CFAP61: variants seen among roughly 807,000 people sequenced by gnomAD.
CFAP61 encodes cilia- and flagella-associated protein 61.
CFAP61 carries 107 observed loss-of-function variants against 135.6 expected under a neutral mutation model. That is an observed-to-expected ratio of 0.79 (90% CI 0.67 to 0.93). The LOEUF is 0.93. CFAP61 is among the 40% of genes least tolerant of loss of function. The pLI, the probability that CFAP61 is intolerant of heterozygous loss-of-function variation, is 0.00. For synonymous variants in CFAP61, 575 were observed against 578.5 expected, an observed-to-expected ratio of 0.99 and a Z score of 0.09; for missense variants, 1,507 against 1,556.2, an observed-to-expected ratio of 0.97 and a Z score of 0.53.
intron 26 of CFAP61, among the ~76,000 whole-genome samples, chr20:20,348,921 C>T (rs1338419586): frequency 6.6e-6 from 1 of 151,990 alleles, no homozygotes; most frequent in Non-Finnish European, 1.5e-5. Context: ...AATTCTTATC[C>T]CTGAGATCTG....
intron 25 of CFAP61, among the ~76,000 whole-genome samples, chr20:20,314,288 G>A (rs1000282120): frequency 3.3e-5 from 5 of 150,858 alleles, no homozygotes; most frequent in African/African-American, 9.8e-5. Context: ...TACTTTAGTG[G>A]CTGAGGTGAG....
At chr20:20,258,800 GGT>G (rs2051890221) in intron 20 of CFAP61, among the ~76,000 whole-genome samples, 1 of 152,178 alleles carries the variant, frequency 6.6e-6, no homozygotes, top group South Asian at 2.1e-4. Flanking sequence ...ACAGACACAT[GGT>G]AACAGATGGA....
At chr20:20,062,559 C>A (rs2044885341) in intron 2 of CFAP61, among the ~76,000 whole-genome samples, 1 of 150,620 alleles carries the variant, frequency 6.6e-6, no homozygotes, top group African/African-American at 2.4e-5. Flanking sequence ...AGAGGATAAA[C>A]AAAGCCAAAA....
intron 9 of CFAP61, among the ~76,000 whole-genome samples, chr20:20,157,984 C>T (rs8122876): frequency 0.035 from 5,346 of 151,698 alleles, 310 homozygotes; most frequent in African/African-American, 0.12. Context: ...AGTAAACTAT[C>T]GCAAGAACAA....
chr20:20,075,389 A>G (rs1219026180), intron 5 of CFAP61, 100 bp from the exon 6 acceptor site: 3 of 1,384,544 alleles, frequency 2.2e-6, no homozygotes, highest in Non-Finnish European at 2.9e-6. Context: ...TTTTATTAGA[A>G]CAATTAAGCA....
chr20:20,155,721 G>A (rs6035567), intron 9 of CFAP61, among the ~76,000 whole-genome samples: 137,276 of 152,234 alleles, frequency 0.9, 62,713 homozygotes, highest in Middle Eastern at 0.99. Flanking sequence ...ACAATGGAAT[G>A]TCACCTTACT....
chr20:20,324,804 T>A (rs1157732805), intron 25 of CFAP61, among the ~76,000 whole-genome samples: 1 of 152,206 alleles, frequency 6.6e-6, no homozygotes, highest in African/African-American at 2.4e-5. Flanking sequence ...CTCTTCAGTG[T>A]CCACTGAATC....
In CFAP61 at chr20:20,319,584, C is replaced by G. The variant is rs190170195; in HGVS notation, c.3422+21198C>G. Among the ~76,000 whole-genome samples the G allele has an allele frequency of 2.5e-4, 38 of 152,340 alleles. No homozygotes were observed. In the East Asian group the frequency reaches 7.1e-3, roughly 29 times the overall value. ...GGCCATGTAAGACATGCCTGCTTCC[C>G]TTCAACCATGACTGAAAGTTTCCTG... On this transcript the variant is annotated intron_variant, in intron 25 of 26. Transcript: ENST00000245957.
intron 8 of CFAP61, among the ~76,000 whole-genome samples, chr20:20,122,974 A>C (rs975667322): frequency 6.6e-6 from 1 of 151,642 alleles, no homozygotes; most frequent in African/African-American, 2.4e-5. Flanking sequence ...TTGCAGGAGT[A>C]AGGTGGTGTT....
rs139952829 is a variant in CFAP61 at position 20,141,304 on chromosome 20, T to C, written c.860-1553T>C. Among the ~76,000 whole-genome samples, 766 of 152,314 alleles carry C rather than the reference T, an allele frequency of 5.0e-3. 1 individual carries two copies. Among genetic ancestry groups the C allele is most frequent in the Admixed American group, 0.013 (201 of 15,300 alleles). ...CTGAGCTGTACACTTTTCATATGTGTGTTAATCTCAACAACAAGGTCAATA... is the reference window on the plus strand; with the variant it reads ...CTGAGCTGTACACTTTTCATATGTGCGTTAATCTCAACAACAAGGTCAATA... On this transcript the variant is annotated intron_variant, in intron 8 of 26. Coordinates refer to ENST00000245957, the MANE Select transcript of CFAP61 (RefSeq NM_015585.4).
chr20:20,176,088 CAAACATGAAA>C (rs2146838136), intron 13 of CFAP61, among the ~76,000 whole-genome samples: 1 of 151,914 alleles, frequency 6.6e-6, no homozygotes, highest in African/African-American at 2.4e-5. Flanking sequence ...ATGCAGCCAA[CAAACATGAAA>C]AAAAGCTCAA....
intron 13 of CFAP61, among the ~76,000 whole-genome samples, chr20:20,181,250 A>G (rs987097985): frequency 1.2e-4 from 16 of 136,934 alleles, no homozygotes; most frequent in South Asian, 4.8e-4. Context: ...GTGTATATAT[A>G]TAACTTTTAT....
intron 2 of CFAP61, among the ~76,000 whole-genome samples, chr20:20,059,640 T>TA (rs2044653036): frequency 1.3e-5 from 2 of 151,552 alleles, no homozygotes; most frequent in Admixed American, 1.3e-4. Context: ...AAATAAAAAA[T>TA]AAAAAATTAT....
chr20:20,356,254 C>T (rs554802835), intron 26 of CFAP61, among the ~76,000 whole-genome samples: 13 of 94,806 alleles, frequency 1.4e-4, no homozygotes, highest in African/African-American at 5.1e-4. Context: ...GGTCATACTG[C>T]GAGTGGAGGT....
intron 25 of CFAP61, among the ~76,000 whole-genome samples, chr20:20,304,849 C>A (rs1057324917): frequency 3.3e-5 from 5 of 152,060 alleles, no homozygotes; most frequent in African/African-American, 1.2e-4. Flanking sequence ...CGTGTCTTCT[C>A]GGCTTTCCTG....
At chr20:20,357,162 G>A (rs1247181513) in intron 26 of CFAP61, among the ~76,000 whole-genome samples, 3 of 116,104 alleles carry the variant, frequency 2.6e-5, no homozygotes, top group Non-Finnish European at 4.0e-5. Flanking sequence ...ACTGAGGGGA[G>A]GTGGTCACAC....
At chr20:20,271,406 T>C (rs2053336128) in intron 21 of CFAP61, among the ~76,000 whole-genome samples, 1 of 152,252 alleles carries the variant, frequency 6.6e-6, no homozygotes, top group Non-Finnish European at 1.5e-5. Flanking sequence ...CTCACTCAGA[T>C]ATTGACTGCA....
At chr20:20,286,846 G>A (rs568723124) in intron 22 of CFAP61, among the ~76,000 whole-genome samples, 2 of 152,222 alleles carry the variant, frequency 1.3e-5, no homozygotes, top group South Asian at 4.1e-4. Flanking sequence ...TTAAAACCCA[G>A]AAAAACAAGA....
At chr20:20,310,760 A>G (rs2056774508) in intron 25 of CFAP61, among the ~76,000 whole-genome samples, 1 of 152,144 alleles carries the variant, frequency 6.6e-6, no homozygotes, top group South Asian at 2.1e-4. Context: ...CAAAATCCAC[A>G]CCAGCAAAAT....
Sources: allele counts gnomAD v4.1 joint callset (sites outside exome capture counted in the v4.1 genomes callset), GRCh38; gene constraint gnomAD v4.1.1; transcripts MANE v1.5; gene names NCBI Gene and HGNC (gene_info 2026-07-23, HGNC 2026-07-21).